The following GOLM2 variants were observed in gnomAD, a reference collection of about 807,000 sequenced individuals.
GOLM2 encodes the protein protein GOLM2.
GOLM2 carries 26 observed loss-of-function variants against 55.9 expected under a neutral mutation model. The observed-to-expected ratio is 0.47, with a 90% confidence interval of 0.34 to 0.65. The LOEUF (loss-of-function observed/expected upper bound fraction) is 0.65. Ranked by LOEUF, GOLM2 falls within the 30% of genes least tolerant of loss-of-function variation. The pLI is 0.01. For synonymous variants in GOLM2, 165 were observed against 194.6 expected (o/e 0.85, Z 1.27); for missense variants, 486 against 531.8 (o/e 0.91, Z 0.85).
chr15:44,296,468 T>C (rs2078757329), intron 1 of GOLM2, among the ~76,000 whole-genome samples: 1 of 152,122 alleles, frequency 6.6e-6, no homozygotes, highest in Non-Finnish European at 1.5e-5. Flanking sequence ...TTTAGTTGAA[T>C]GGGGAAAAGG....
At chr15:44,360,452 A>G (rs910565617) in intron 6 of GOLM2, among the ~76,000 whole-genome samples, 4 of 152,212 alleles carry the variant, frequency 2.6e-5, no homozygotes, top group African/African-American at 9.6e-5. Flanking sequence ...AAAAGAGACA[A>G]AGAAGGCCAT....
intron 8 of GOLM2, among the ~76,000 whole-genome samples, chr15:44,391,956 T>G (rs2079493410): frequency 6.6e-6 from 1 of 152,166 alleles, no homozygotes; most frequent in South Asian, 2.1e-4. Context: ...GTTCAAGCTA[T>G]TCTCCTGCCT....
chr15:44,292,201 A>ATTTT (rs201767979), intron 1 of GOLM2, among the ~76,000 whole-genome samples: 2 of 120,036 alleles, frequency 1.7e-5, no homozygotes, highest in African/African-American at 7.7e-5. Flanking sequence ...ATATATATAT[A>ATTTT]TTTTTTTTTT....
intron 8 of GOLM2, chr15:44,387,204 A>G (rs77640676): frequency 6.6e-6 from 1 of 151,126 alleles, no homozygotes; most frequent in East Asian, 1.9e-4. Context: ...AAAAAAAAAA[A>G]GGAATTGCAC....
At chr15:44,352,782 T>C (rs1236598607) in intron 6 of GOLM2, among the ~76,000 whole-genome samples, 1 of 151,934 alleles carries the variant, frequency 6.6e-6, no homozygotes, top group Non-Finnish European at 1.5e-5. Context: ...GGCAGGCACC[T>C]GTAATCCCAA....
At chr15:44,406,600 A>ATT (rs2079598842) in intron 9 of GOLM2, 1 of 152,184 alleles carries the variant, frequency 6.6e-6, no homozygotes, top group African/African-American at 2.4e-5. Flanking sequence ...ATGAGAAAAT[A>ATT]TGTTTCAGAT....
chr15:44,297,858 G>A (rs191460897), intron 1 of GOLM2, among the ~76,000 whole-genome samples: 1,724 of 139,700 alleles, frequency 0.012, 19 homozygotes, highest in Non-Finnish European at 0.02. Flanking sequence ...GTGAGCCACC[G>A]CACCTGGCCT....
At chr15:44,296,356 T>TAC (rs1271867697) in intron 1 of GOLM2, among the ~76,000 whole-genome samples, 1 of 151,824 alleles carries the variant, frequency 6.6e-6, no homozygotes, top group East Asian at 1.9e-4. Flanking sequence ...ATTACACACA[T>TAC]ACACACACAT....
intron 1 of GOLM2, among the ~76,000 whole-genome samples, chr15:44,318,273 G>A (rs915797526): frequency 4.6e-5 from 7 of 152,114 alleles, no homozygotes; most frequent in African/African-American, 1.7e-4. Flanking sequence ...TACAAAAACA[G>A]GCTCACAGGC....
At chr15:44,346,806 C>CT (rs1329295201) in intron 6 of GOLM2, among the ~76,000 whole-genome samples, 1 of 152,036 alleles carries the variant, frequency 6.6e-6, no homozygotes. Flanking sequence ...TACTAATAAA[C>CT]TACCTATTCA....
chr15:44,299,878 G>T (rs920698617), intron 1 of GOLM2, among the ~76,000 whole-genome samples: 6 of 146,916 alleles, frequency 4.1e-5, no homozygotes, highest in African/African-American at 1.3e-4. Context: ...GGCTGAGGCA[G>T]GAGGATCATG....
intron 6 of GOLM2, among the ~76,000 whole-genome samples, chr15:44,339,669 C>T (rs1330186025): frequency 6.6e-6 from 1 of 152,148 alleles, no homozygotes; most frequent in Admixed American, 6.5e-5. Context: ...GGGTCTCACT[C>T]TGTCACCCAT....
intron 1 of GOLM2, among the ~76,000 whole-genome samples, chr15:44,311,186 A>G (rs938550886): frequency 1.3e-5 from 2 of 152,192 alleles, no homozygotes; most frequent in Non-Finnish European, 2.9e-5. Context: ...ACCCATTCTT[A>G]TAGATTATGC....
At chr15:44,413,002 C>CAA (rs773883653) in intron 9 of GOLM2, among the ~76,000 whole-genome samples, 1 of 115,076 alleles carries the variant, frequency 8.7e-6, no homozygotes, top group Non-Finnish European at 1.8e-5. Flanking sequence ...GAGTCGGTCT[C>CAA]AAAAAAAAAA....
intron 1 of GOLM2, among the ~76,000 whole-genome samples, chr15:44,317,723 A>G (rs543258939): frequency 2.6e-5 from 4 of 152,246 alleles, no homozygotes; most frequent in Admixed American, 6.5e-5. Flanking sequence ...CTCTTCTTGG[A>G]TATGTCACAG....
chr15:44,369,697 C>T (rs772234212), intron 6 of GOLM2, among the ~76,000 whole-genome samples: 1 of 64,684 alleles, frequency 1.5e-5, no homozygotes, highest in Non-Finnish European at 4.9e-5. Context: ...TATGCATACA[C>T]ACACACACAC....
At chr15:44,322,213 C>A (rs1049243058) in intron 1 of GOLM2, among the ~76,000 whole-genome samples, 10 of 152,148 alleles carry the variant, frequency 6.6e-5, no homozygotes, top group Admixed American at 2.6e-4. Context: ...ACTAAAAATA[C>A]AAAGATTAGC....
At chr15:44,345,273 C>T (rs1032096933) in intron 6 of GOLM2, among the ~76,000 whole-genome samples, 9 of 149,362 alleles carry the variant, frequency 6.0e-5, no homozygotes, top group Non-Finnish European at 1.2e-4. Flanking sequence ...CCACATCCAG[C>T]TAATTTTTTT....
chr15:44,403,148 G>A (rs749690964), intron 9 of GOLM2, 94 bp downstream of exon 9: 1 of 1,419,060 alleles, frequency 7.0e-7, no homozygotes, highest in South Asian at 1.2e-5. Flanking sequence ...CTTATTAGTG[G>A]CAGTGTAACC....
Sources: allele counts gnomAD v4.1 joint callset (sites outside exome capture counted in the v4.1 genomes callset), GRCh38; gene constraint gnomAD v4.1.1; transcripts MANE v1.5; gene names NCBI Gene and HGNC (gene_info 2026-07-23, HGNC 2026-07-21).